Variants in MACROD2 observed in about 807,000 individuals in gnomAD.
MACROD2 encodes mono-ADP ribosylhydrolase 2, also known as ADP-ribose glycohydrolase MACROD2.
In MACROD2, 36 loss-of-function variants were observed where a neutral mutation model predicts 70.4. The ratio of observed to expected loss-of-function variants is 0.51; its 90% confidence interval spans 0.39 to 0.68. The LOEUF is 0.68. Among genes scored for constraint, MACROD2 ranks in the 30% least tolerant of loss-of-function variants. MACROD2 has a pLI of 0.00. For missense variants in MACROD2, 496 were observed against 538.4 expected, an observed-to-expected ratio of 0.92 and a Z score of 0.78; for synonymous variants, 172 against 178.8, an observed-to-expected ratio of 0.96 and a Z score of 0.30.
chr20:15,705,571 C>T (rs1428977591), intron 8 of MACROD2, among the ~76,000 whole-genome samples: 3 of 152,106 alleles, frequency 2.0e-5, no homozygotes, highest in South Asian at 2.1e-4. Context: ...AGTCACCCTC[C>T]ACCACGTCTG....
At chr20:15,663,659 C>T (rs1337663332) in intron 8 of MACROD2, among the ~76,000 whole-genome samples, 1 of 151,638 alleles carries the variant, frequency 6.6e-6, no homozygotes, top group Non-Finnish European at 1.5e-5. Context: ...ACTAGCCAAA[C>T]AAAATATGAC....
At position 15,901,115 on chromosome 20, in the gene MACROD2, G is replaced by A. The variant is rs554411147; in HGVS notation, c.775+15304G>A. ...CATTTTTAAATGCATTGCTTGCATCGCACATCTAGCTGGGTTTGTCTCTCT... is the reference window on the plus strand; with the variant it reads ...CATTTTTAAATGCATTGCTTGCATCACACATCTAGCTGGGTTTGTCTCTCT... On this transcript the variant is annotated intron_variant, in intron 10 of 17. Coordinates refer to ENST00000684519, the MANE Select transcript of MACROD2 (RefSeq NM_001351661.2). Among the ~76,000 whole-genome samples the A allele has an allele frequency of 4.6e-5, 7 of 152,180 alleles. No homozygotes were observed. The South Asian group carries it at 6.2e-4, about 14-fold the overall frequency.
At chr20:15,288,641 G>C (rs142155781) in intron 6 of MACROD2, among the ~76,000 whole-genome samples, 129 of 152,230 alleles carry the variant, frequency 8.5e-4, no homozygotes, top group African/African-American at 3.0e-3. Context: ...GTTTTCTCCT[G>C]TCCTTGCACA....
chr20:15,416,116 G>C (rs2046144425), intron 6 of MACROD2, among the ~76,000 whole-genome samples: 1 of 152,190 alleles, frequency 6.6e-6, no homozygotes, highest in Non-Finnish European at 1.5e-5. Context: ...TCTCCTTGCA[G>C]ACTGGCTGCT....
intron 2 of MACROD2, among the ~76,000 whole-genome samples, chr20:14,022,248 T>C (rs1389220288): frequency 6.6e-6 from 1 of 152,170 alleles, no homozygotes; most frequent in Non-Finnish European, 1.5e-5. Flanking sequence ...CCAATTAAAC[T>C]ATTACACAGT....
chr20:14,280,915 G>A (rs980657618), intron 3 of MACROD2, among the ~76,000 whole-genome samples: 6 of 152,030 alleles, frequency 3.9e-5, no homozygotes, highest in Admixed American at 3.9e-4. Context: ...AAACTGAAGG[G>A]AAAATTTTTA....
intron 3 of MACROD2, among the ~76,000 whole-genome samples, chr20:14,153,264 G>C (rs2055050509): frequency 6.6e-6 from 1 of 152,126 alleles, no homozygotes; most frequent in Admixed American, 6.5e-5. Context: ...TTTCGAGTGA[G>C]AAATAAAAAC....
chr20:15,697,319 C>G (rs974349441), intron 8 of MACROD2, among the ~76,000 whole-genome samples: 1 of 152,138 alleles, frequency 6.6e-6, no homozygotes, highest in Admixed American at 6.5e-5. Context: ...ACCCAATGCT[C>G]ATTTAGGAGC....
intron 5 of MACROD2, among the ~76,000 whole-genome samples, chr20:15,058,663 C>T (rs937264454): frequency 3.3e-5 from 5 of 152,192 alleles, no homozygotes; most frequent in African/African-American, 1.2e-4. Flanking sequence ...ACTACTACAA[C>T]ATTATTTTTC....
intron 17 of MACROD2, among the ~76,000 whole-genome samples, chr20:16,046,048 G>A (rs1234876984): frequency 6.6e-6 from 1 of 152,070 alleles, no homozygotes; most frequent in East Asian, 1.9e-4. Context: ...TCTAGTGTAA[G>A]GCACAAATAA....
At chr20:14,647,228 A>T (rs1252148935) in intron 4 of MACROD2, among the ~76,000 whole-genome samples, 2 of 152,116 alleles carry the variant, frequency 1.3e-5, no homozygotes, top group Non-Finnish European at 2.9e-5. Flanking sequence ...TAAAAAGAAC[A>T]TACTGCATGA....
At chr20:15,418,166 C>T (rs879181583) in intron 6 of MACROD2, among the ~76,000 whole-genome samples, 1 of 152,286 alleles carries the variant, frequency 6.6e-6, no homozygotes, top group South Asian at 2.1e-4. Flanking sequence ...TTCTGTCAGT[C>T]TTACTTGGTT....
chr20:14,097,853 T>C (rs1344248207), intron 3 of MACROD2, among the ~76,000 whole-genome samples: 1 of 152,170 alleles, frequency 6.6e-6, no homozygotes, highest in African/African-American at 2.4e-5. Context: ...ATACAATATT[T>C]TAGAATACTT....
intron 3 of MACROD2, among the ~76,000 whole-genome samples, chr20:14,186,919 G>A (rs2081349430): frequency 6.6e-6 from 1 of 152,128 alleles, no homozygotes; most frequent in African/African-American, 2.4e-5. Context: ...CATAAAGATA[G>A]GAGCAGTAGA....
intron 8 of MACROD2, among the ~76,000 whole-genome samples, chr20:15,508,310 T>TG (rs975771977): frequency 6.7e-6 from 1 of 150,014 alleles, no homozygotes; most frequent in Non-Finnish European, 1.5e-5. Flanking sequence ...GTGAGTGGTT[T>TG]GGGGGGTTGG....
intron 2 of MACROD2, among the ~76,000 whole-genome samples, chr20:14,031,146 C>G (rs778144382): frequency 6.6e-6 from 1 of 152,166 alleles, no homozygotes; most frequent in Non-Finnish European, 1.5e-5. Context: ...CTAAATATGA[C>G]TCTTTAATGT....
intron 3 of MACROD2, among the ~76,000 whole-genome samples, chr20:14,178,154 T>TA (rs1387706167): frequency 2.0e-5 from 3 of 152,064 alleles, no homozygotes; most frequent in Non-Finnish European, 2.9e-5. Context: ...CCCTAATACA[T>TA]AAAAAACTCT....
rs553127475 is a variant in MACROD2, at chr20:15,796,826, CA to C, written c.646-65918del. Among the ~76,000 whole-genome samples the C allele has an allele frequency of 2.2e-3, 335 of 152,314 alleles. 2 individuals are homozygous for C. The highest frequency in any genetic ancestry group is 7.6e-3 in the African/African-American group (318 of 41,582). ...AAAAGCAAGCAAACTTGACTTTTCA[CA>C]TAGTTTATAGTATCTCTTCAAGGCC... On this transcript the variant is annotated intron_variant, in intron 8 of 17. Transcript: ENST00000684519.
intron 8 of MACROD2, among the ~76,000 whole-genome samples, chr20:15,618,440 A>C (rs6105443): frequency 6.6e-6 from 1 of 151,962 alleles, no homozygotes; most frequent in African/African-American, 2.4e-5. Context: ...TTTATCCCAC[A>C]CCAGCCTCAT....
Sources: allele counts gnomAD v4.1 joint callset (sites outside exome capture counted in the v4.1 genomes callset), GRCh38; gene constraint gnomAD v4.1.1; transcripts MANE v1.5; gene names NCBI Gene and HGNC (gene_info 2026-07-23, HGNC 2026-07-21).